Variants in RAP1GAP2 observed in about 807,000 individuals in gnomAD.
The protein encoded by RAP1GAP2 is RAP1 GTPase activating protein 2, also known as rap1 GTPase-activating protein 2.
Under a neutral mutation model 95.0 loss-of-function variants are expected in RAP1GAP2, and 27 were observed. The observed-to-expected ratio is 0.28, with a 90% confidence interval of 0.21 to 0.39. The LOEUF is 0.39. RAP1GAP2 is among the 10% of genes least tolerant of loss of function. The probability of loss-of-function intolerance (pLI) is 1.00; values close to 1 mark genes in which losing one functional copy is unlikely to be tolerated. For missense variants in RAP1GAP2, 771 were observed against 970.0 expected (o/e 0.79, Z 2.72); for synonymous variants, 373 against 380.9 (o/e 0.98, Z 0.24).
chr17:2,769,703 A>G (rs540659067), intron 1 of RAP1GAP2, among the ~76,000 whole-genome samples: 149 of 152,320 alleles, frequency 9.8e-4, no homozygotes, highest in African/African-American at 3.5e-3. Flanking sequence ...TCCTCTGCTT[A>G]CATACCTCCA....
chr17:2,800,743 G>A (rs555761652), intron 2 of RAP1GAP2, among the ~76,000 whole-genome samples, 193 bp downstream of exon 2: 3 of 152,204 alleles, frequency 2.0e-5, no homozygotes, highest in Non-Finnish European at 4.4e-5. Context: ...GGGAGAGGTA[G>A]AGGTGGGAAT....
chr17:2,765,610 G>C (rs574795175), intron 1 of RAP1GAP2, among the ~76,000 whole-genome samples: 9 of 151,928 alleles, frequency 5.9e-5, no homozygotes, highest in Non-Finnish European at 1.2e-4. Flanking sequence ...GGGCATGGTG[G>C]TGGGCGCCTG....
intron 2 of RAP1GAP2, among the ~76,000 whole-genome samples, chr17:2,824,740 C>CAAAAA (rs940171590): frequency 3.5e-5 from 2 of 56,600 alleles, no homozygotes; most frequent in Non-Finnish European, 3.9e-5. Context: ...AACTCTGTCT[C>CAAAAA]AAAAAAAAAA....
chr17:2,805,519 C>T (rs1041806354), intron 2 of RAP1GAP2, among the ~76,000 whole-genome samples: 2 of 151,692 alleles, frequency 1.3e-5, no homozygotes, highest in African/African-American at 2.4e-5. Flanking sequence ...CCACGCCCAG[C>T]TATTATTATT....
intron 8 of RAP1GAP2, among the ~76,000 whole-genome samples, chr17:2,979,284 A>C (rs1207501323): frequency 6.6e-6 from 1 of 152,170 alleles, no homozygotes; most frequent in Non-Finnish European, 1.5e-5. Flanking sequence ...CAGATTTTGA[A>C]ATACTAGGTT....
In RAP1GAP2 at chr17:2,965,404, C is replaced by T. The variant is rs966313236; in HGVS notation, c.493-136C>T. 1.6e-5 allele frequency: 11 copies of T among 698,226 alleles called. No homozygotes were observed. The highest frequency in any genetic ancestry group is 1.3e-4 in the African/African-American group (7 of 55,900). The allele number at this position is 698,226 out of a possible 1,614,324, so 43.3% of individuals were successfully genotyped here. On this transcript the variant is annotated intron_variant, in intron 7 of 24. Transcript: ENST00000254695. The surrounding 1 kb of genome is among the most constrained non-coding windows in gnomAD (Gnocchi z 4.7). ...TCCGGCCGTCGGTACCTGTTAATGT[C>T]GTTGTCATTGTCATCAGTAGCATCC...
rs1316343075 is a variant in RAP1GAP2 at position 2,797,526 on chromosome 17, G to A, written c.44+955G>A. On this transcript the variant is annotated intron_variant, in intron 1 of 24. Transcript: ENST00000254695. This position sits in a 1 kb window ranked among gnomAD's most constrained non-coding sequence, Gnocchi z 5.6. Reference sequence around the variant, plus strand: ...GGGGTGTCCCGGTGTGGAAAATGGTGGACTAATGGGGGTGGCACGAAGGGC... The same window carrying A: ...GGGGTGTCCCGGTGTGGAAAATGGTAGACTAATGGGGGTGGCACGAAGGGC... Among the ~76,000 whole-genome samples, 1 of 151,968 alleles carries A rather than the reference G, an allele frequency of 6.6e-6. No individual in the cohort carries two copies. Among genetic ancestry groups the A allele is most frequent in the African/African-American group, 2.4e-5 (1 of 41,344 alleles).
intron 2 of RAP1GAP2, among the ~76,000 whole-genome samples, chr17:2,838,823 A>G (rs1174627559): frequency 6.6e-6 from 1 of 152,184 alleles, no homozygotes; most frequent in East Asian, 1.9e-4. Flanking sequence ...AGAATGTCTC[A>G]GTTAGGGGCT....
Position 2,921,664 on chromosome 17 carries a change from G to T in RAP1GAP2, c.165+16296G>T, listed in dbSNP as rs976381040. Among the ~76,000 whole-genome samples the T allele has an allele frequency of 2.6e-5, 4 of 151,120 alleles. No homozygotes were observed. In the East Asian group the frequency reaches 7.8e-4, roughly 30 times the overall value. ...AGGGCCGTTATGTGTCCTCAGGGCC[G>T]TTAAGGTGTCAGCAGGGCCGTTAAG... is the stretch of plus-strand genomic sequence containing the variant. On this transcript the variant is annotated intron_variant, in intron 3 of 24. Transcript: ENST00000254695.
chr17:3,011,395 A>G (rs2046538115), intron 17 of RAP1GAP2, among the ~76,000 whole-genome samples: 1 of 152,146 alleles, frequency 6.6e-6, no homozygotes, highest in East Asian at 1.9e-4. Flanking sequence ...TGTTTAGGCC[A>G]TGCCTGTGGC....
intron 2 of RAP1GAP2, among the ~76,000 whole-genome samples, chr17:2,816,315 T>C (rs2070023861): frequency 6.6e-6 from 1 of 151,818 alleles, no homozygotes; most frequent in South Asian, 2.1e-4. Context: ...TAACATTTTT[T>C]CTCATTTTCA....
chr17:3,019,144 G>A (rs2046873219), intron 18 of RAP1GAP2, among the ~76,000 whole-genome samples: 1 of 152,218 alleles, frequency 6.6e-6, no homozygotes, highest in African/African-American at 2.4e-5. Context: ...TCATCACCAT[G>A]TGTACAGTTC....
chr17:2,929,011 A>G (rs554611851), intron 3 of RAP1GAP2, among the ~76,000 whole-genome samples: 9 of 152,236 alleles, frequency 5.9e-5, no homozygotes, highest in Admixed American at 1.3e-4. Flanking sequence ...AGGCAGGACA[A>G]TTGTTTGAAG....
At chr17:2,917,149 G>A (rs1021590743) in intron 3 of RAP1GAP2, among the ~76,000 whole-genome samples, 2 of 152,188 alleles carry the variant, frequency 1.3e-5, no homozygotes, top group African/African-American at 4.8e-5. Flanking sequence ...CAGCTCCTTC[G>A]ACCTGGTCCT....
At chr17:2,919,711 T>G (rs1438447502) in intron 3 of RAP1GAP2, among the ~76,000 whole-genome samples, 1 of 152,204 alleles carries the variant, frequency 6.6e-6, no homozygotes, top group South Asian at 2.1e-4. Flanking sequence ...TTCTCTTTTT[T>G]TTCTTTTTTG....
At chr17:2,923,424 C>A (rs4790388) in intron 3 of RAP1GAP2, among the ~76,000 whole-genome samples, 15,389 of 151,684 alleles carry the variant, frequency 0.1, 1,116 homozygotes, top group East Asian at 0.31. Context: ...CTCTGCCTCC[C>A]AGGCTCCAGA....
At chr17:2,791,357 G>A (rs1351690908) in intron 1 of RAP1GAP2, among the ~76,000 whole-genome samples, 3 of 152,114 alleles carry the variant, frequency 2.0e-5, no homozygotes, top group Admixed American at 1.3e-4. Flanking sequence ...TCTGGGAAGC[G>A]TTTTGAGCCT....
At chr17:3,013,038 G>A (rs768961370) in intron 17 of RAP1GAP2, among the ~76,000 whole-genome samples, 33 of 152,226 alleles carry the variant, frequency 2.2e-4, no homozygotes, top group Non-Finnish European at 4.7e-4. Flanking sequence ...CCGGGGAGGA[G>A]AAGGCTGCCG....
intron 3 of RAP1GAP2, among the ~76,000 whole-genome samples, chr17:2,936,462 G>T (rs997386372): frequency 4.6e-5 from 7 of 151,420 alleles, no homozygotes; most frequent in Admixed American, 2.0e-4. Context: ...ACAGACAAAC[G>T]CACTCACCTT....
Sources: allele counts gnomAD v4.1 joint callset (sites outside exome capture counted in the v4.1 genomes callset), GRCh38; gene constraint gnomAD v4.1.1; non-coding constraint Gnocchi (gnomAD v3.1); transcripts MANE v1.5; gene names NCBI Gene and HGNC (gene_info 2026-07-23, HGNC 2026-07-21).